MYO10: variants seen among roughly 807,000 people sequenced by gnomAD.
The protein encoded by MYO10 is myosin X.
MYO10 carries 133 observed loss-of-function variants against 257.3 expected under a neutral mutation model. The observed-to-expected ratio is 0.52, with a 90% CI of 0.45 to 0.60. MYO10 has a LOEUF of 0.60. MYO10 is among the 20% of genes least tolerant of loss of function. MYO10 has a pLI of 0.00. For missense variants in MYO10, 2,399 were observed against 2,635.7 expected (o/e 0.91, Z 1.97); for synonymous variants, 1,104 against 1,028.6 (o/e 1.07, Z -1.40).
intron 19 of MYO10, among the ~76,000 whole-genome samples, chr5:16,712,278 A>G (rs1353023216): frequency 6.6e-6 from 1 of 152,246 alleles, no homozygotes; most frequent in Non-Finnish European, 1.5e-5. Flanking sequence ...AATTAAAGAC[A>G]GAGGAAATCA....
intron 3 of MYO10, among the ~76,000 whole-genome samples, chr5:16,816,937 A>G (rs759788222): frequency 5.0e-4 from 76 of 152,064 alleles, no homozygotes; most frequent in Admixed American, 3.1e-3. Context: ...CTCCTGCCTC[A>G]GCCTCCTGAG....
rs67792126 is a variant in MYO10 at position 16,764,146 on chromosome 5, CAA to C, written c.1326+102_1326+103del. On this transcript the variant is annotated intron_variant, in intron 12 of 40. Coordinates refer to ENST00000513610, the MANE Select transcript of MYO10 (RefSeq NM_012334.3). ...TGGGATACAGAGTGAGACTCCTTCT[CAA>C]AAAAAAAAAGAAAAAAAAAGAGTTT... 8.6e-3 allele frequency: 8,286 copies of C among 962,988 alleles called. 115 individuals carry two copies. The highest frequency in any genetic ancestry group is 0.065 in the African/African-American group (3,938 of 60,606). 59.7% of individuals were successfully genotyped at this position (962,988 alleles called of 1,614,324 possible).
chr5:16,743,383 C>T (rs1740079382), intron 19 of MYO10, among the ~76,000 whole-genome samples: 1 of 152,140 alleles, frequency 6.6e-6, no homozygotes, highest in African/African-American at 2.4e-5. Flanking sequence ...TGGCTTACGT[C>T]TGTAATCCCA....
chr5:16,688,281 T>A (rs1352638486), intron 28 of MYO10, among the ~76,000 whole-genome samples: 1 of 152,132 alleles, frequency 6.6e-6, no homozygotes, highest in Non-Finnish European at 1.5e-5. Flanking sequence ...GGAAGAATTA[T>A]TTTCTGGTGT....
At chr5:16,825,652 G>A (rs1423527660) in intron 2 of MYO10, among the ~76,000 whole-genome samples, 1 of 152,154 alleles carries the variant, frequency 6.6e-6, no homozygotes, top group African/African-American at 2.4e-5. Flanking sequence ...CTGAAGGAAT[G>A]GTCCTGGCCC....
chr5:16,747,593 C>T (rs970347694), intron 19 of MYO10, among the ~76,000 whole-genome samples: 1 of 152,114 alleles, frequency 6.6e-6, no homozygotes, highest in African/African-American at 2.4e-5. Flanking sequence ...AAGTCAAAAG[C>T]TTAGTAAAGC....
intron 2 of MYO10, among the ~76,000 whole-genome samples, chr5:16,823,467 G>GGTTTTT (rs1561003861): frequency 2.0e-3 from 8 of 3,976 alleles, no homozygotes; most frequent in African/African-American, 3.9e-3. Flanking sequence ...GGGGAGTGGG[G>GGTTTTT]ATTTTTTTTT....
At chr5:16,930,453 T>C (rs1746261720) in intron 1 of MYO10, among the ~76,000 whole-genome samples, 1 of 152,186 alleles carries the variant, frequency 6.6e-6, no homozygotes, top group South Asian at 2.1e-4. Context: ...GACAGAGTTC[T>C]GGAAATACAA....
At position 16,700,994 on chromosome 5, in the gene MYO10, T is replaced by TA. The variant is rs1738021313; in HGVS notation, c.3400dup (p.Tyr1134LeufsTer6). 6.4e-7 allele frequency: 1 copy of TA among 1,559,338 alleles called. No homozygotes were observed. Among genetic ancestry groups the TA allele is most frequent in the Non-Finnish European group, 8.7e-7 (1 of 1,151,734 alleles). On this transcript the variant is annotated frameshift_variant, in exon 25 of 41. Coordinates refer to ENST00000513610, the MANE Select transcript of MYO10 (RefSeq NM_012334.3). LOFTEE classifies it high-confidence loss of function. ...CTGCGCCCCCTCAGAGCTGAACCGG[T>TA]AGGCACCCGAGCTGTTGTAGGTCCC...
intron 6 of MYO10, 135 bp downstream of exon 6, chr5:16,781,570 A>G: frequency 1.1e-6 from 1 of 927,478 alleles, no homozygotes; most frequent in Non-Finnish European, 1.6e-6. Flanking sequence ...CATTAGAGCA[A>G]TAACTAACTG....
At position 16,739,193 on chromosome 5, in the gene MYO10, A is replaced by G. The variant is rs528276032; in HGVS notation, c.1929+15635T>C. Reference sequence around the variant, plus strand: ...GCCTGGGCAACATAATCATGTCCCAAAAAAAAAAAAAAAAAGCATAAAACC... The same window carrying G: ...GCCTGGGCAACATAATCATGTCCCAGAAAAAAAAAAAAAAAGCATAAAACC... On this transcript the variant is annotated intron_variant, in intron 19 of 40. Coordinates refer to ENST00000513610, the MANE Select transcript of MYO10 (RefSeq NM_012334.3). Among the ~76,000 whole-genome samples, 1,178 of 141,432 alleles carry G rather than the reference A, an allele frequency of 8.3e-3. 14 individuals are homozygous for G. Among genetic ancestry groups the G allele is most frequent in the African/African-American group, 0.03 (1,106 of 36,284 alleles). 92.8% of individuals were successfully genotyped at this position (141,432 alleles called of 152,430 possible).
At chr5:16,789,490 G>C (rs113117810) in intron 4 of MYO10, among the ~76,000 whole-genome samples, 143 of 152,328 alleles carry the variant, frequency 9.4e-4, no homozygotes, top group Non-Finnish European at 1.3e-3. Flanking sequence ...GTACCAGAAA[G>C]TAGGATTCTG....
At chr5:16,729,982 C>A (rs913690569) in intron 19 of MYO10, among the ~76,000 whole-genome samples, 1 of 152,054 alleles carries the variant, frequency 6.6e-6, no homozygotes, top group Non-Finnish European at 1.5e-5. Context: ...AAGAGGGGCA[C>A]CGAGGGGAGT....
intron 33 of MYO10, among the ~76,000 whole-genome samples, chr5:16,679,524 G>GTT (rs33919452): frequency 1.2e-4 from 15 of 122,668 alleles, no homozygotes; most frequent in Middle Eastern, 4.0e-3. Context: ...TTTTTTGGGT[G>GTT]TTTTTTTTTT....
chr5:16,711,416 A>T (rs946534115), intron 19 of MYO10, among the ~76,000 whole-genome samples, 171 bp from the exon 20 acceptor site: 76 of 152,172 alleles, frequency 5.0e-4, no homozygotes, highest in African/African-American at 1.8e-3. Context: ...TGGAACCATC[A>T]CCTCGCCTTA....
intron 19 of MYO10, chr5:16,713,625 A>G: frequency 1.9e-6 from 1 of 517,526 alleles, no homozygotes; most frequent in East Asian, 1.5e-4. Context: ...GCCCCTTCCC[A>G]GTAACTTAAC....
chr5:16,682,313 T>C (rs964103854), intron 30 of MYO10, among the ~76,000 whole-genome samples: 8 of 152,174 alleles, frequency 5.3e-5, no homozygotes, highest in African/African-American at 1.9e-4. Flanking sequence ...AAGGTGACCA[T>C]GAGGGAAAAT....
At chr5:16,867,327 T>G (rs1302142973) in intron 2 of MYO10, among the ~76,000 whole-genome samples, 1 of 152,180 alleles carries the variant, frequency 6.6e-6, no homozygotes, top group Non-Finnish European at 1.5e-5. Flanking sequence ...ACCATTTTCC[T>G]GCATTCAACA....
At chr5:16,844,332 T>C (rs1743567757) in intron 2 of MYO10, among the ~76,000 whole-genome samples, 1 of 152,188 alleles carries the variant, frequency 6.6e-6, no homozygotes, top group African/African-American at 2.4e-5. Context: ...CAGGTCCACA[T>C]CACGCATTAA....
Sources: gnomAD v4.1 joint callset for allele counts (sites outside exome capture counted in the v4.1 genomes callset) on GRCh38, gnomAD v4.1.1 for gene constraint, MANE v1.5 for transcripts, NCBI Gene and HGNC (gene_info 2026-07-23, HGNC 2026-07-21) for gene names.